The following MICU1 variants were observed in gnomAD, a reference collection of about 807,000 sequenced individuals.
MICU1 encodes the protein calcium uptake protein 1, mitochondrial.
A neutral mutation model predicts 56.8 loss-of-function variants in MICU1; 45 were observed. The ratio of observed to expected loss-of-function variants is 0.79; its 90% CI spans 0.62 to 1.02. MICU1 has a LOEUF of 1.02. Among genes scored for constraint, MICU1 ranks in the 50% least tolerant of loss-of-function variants. The probability of loss-of-function intolerance (pLI) is 0.00; values close to 1 mark genes in which losing one functional copy is unlikely to be tolerated. For synonymous variants in MICU1, 186 were observed against 195.1 expected (o/e 0.95, Z 0.39); for missense variants, 504 against 587.1 (o/e 0.86, Z 1.46).
intron 8 of MICU1, among the ~76,000 whole-genome samples, chr10:72,459,870 T>C (rs1314107364): frequency 2.0e-5 from 3 of 152,226 alleles, no homozygotes; most frequent in Admixed American, 2.0e-4. Flanking sequence ...CTTCTCCTCC[T>C]GTGTTCTCTA....
chr10:72,623,350 GAGGGAGAAAGAA>G (rs1217538294), intron 1 of MICU1, among the ~76,000 whole-genome samples: 1 of 141,032 alleles, frequency 7.1e-6, no homozygotes, highest in Non-Finnish European at 1.5e-5. Context: ...AAGGGGAGGG[GAGGGAGAAAGAA>G]AGGGAGAAGA....
At chr10:72,398,395 GC>G (rs917840926) in intron 10 of MICU1, among the ~76,000 whole-genome samples, 55 of 151,772 alleles carry the variant, frequency 3.6e-4, no homozygotes, top group African/African-American at 1.2e-3. Flanking sequence ...AGAAGCAAGA[GC>G]AAACAAATGC....
At chr10:72,571,843 C>T (rs1840617498) in intron 1 of MICU1, among the ~76,000 whole-genome samples, 1 of 151,878 alleles carries the variant, frequency 6.6e-6, no homozygotes, top group Non-Finnish European at 1.5e-5. Flanking sequence ...AGCTTGAGCC[C>T]AGGAGTTTAA....
At chr10:72,465,309 GT>G (rs58604429) in intron 8 of MICU1, among the ~76,000 whole-genome samples, 5,371 of 121,898 alleles carry the variant, frequency 0.044, 220 homozygotes, top group African/African-American at 0.15. Context: ...ATAGTTTTTT[GT>G]TTTTTTTTTT....
chr10:72,391,670 A>G (rs1863076821), intron 10 of MICU1, among the ~76,000 whole-genome samples: 1 of 152,068 alleles, frequency 6.6e-6, no homozygotes, highest in African/African-American at 2.4e-5. Context: ...TTTTTTCAAT[A>G]AATTACGTTG....
chr10:72,417,385 C>T (rs1046154891), intron 9 of MICU1, among the ~76,000 whole-genome samples: 1 of 146,508 alleles, frequency 6.8e-6, no homozygotes. Flanking sequence ...ACCCAGGAGG[C>T]GGAGCTTGCA....
chr10:72,535,057 T>A (rs1238531190), intron 4 of MICU1, among the ~76,000 whole-genome samples: 1 of 144,410 alleles, frequency 6.9e-6, no homozygotes, highest in Non-Finnish European at 1.5e-5. Context: ...TGAAACAGAG[T>A]CTTGCTCTGT....
chr10:72,548,075 G>A (rs898973855), intron 4 of MICU1, among the ~76,000 whole-genome samples: 1 of 152,216 alleles, frequency 6.6e-6, no homozygotes, highest in Non-Finnish European at 1.5e-5. Flanking sequence ...ACATGGTTGA[G>A]TATGTTCCTA....
Position 72,375,860 on chromosome 10 carries a change from T to A in MICU1, c.1193A>T (p.Gln398Leu), listed in dbSNP as rs1349525464. The A allele has an allele frequency of 6.2e-7, 1 of 1,613,160 alleles. No homozygotes were observed. Among genetic ancestry groups the A allele is most frequent in the Non-Finnish European group, 8.5e-7 (1 of 1,179,618 alleles). The part of the protein sequence containing the change: ...GASLDKVTMQ[Q>L]VARTVAKVEL... Reference sequence around the variant, plus strand: ...CACTTTAGCCACTGTCCTGGCCACCTGCTGCATGGTCACTGAAAAAAGAAA... The same window carrying A: ...CACTTTAGCCACTGTCCTGGCCACCAGCTGCATGGTCACTGAAAAAAGAAA... The change falls in exon 11 of 12, where the codon CAG (glutamine) becomes CTG (leucine). Residue 398 changes from glutamine (Q) to leucine (L), a missense_variant. Gln to Leu is a moderately radical substitution (Grantham distance 113). Transcript: ENST00000361114.
At chr10:72,600,679 C>T (rs1438693565) in intron 1 of MICU1, among the ~76,000 whole-genome samples, 1 of 149,220 alleles carries the variant, frequency 6.7e-6, no homozygotes, top group Non-Finnish European at 1.5e-5. Flanking sequence ...AAAAGAAATT[C>T]ATGCTAGTTT....
intron 10 of MICU1, among the ~76,000 whole-genome samples, chr10:72,405,429 C>A (rs1428707693): frequency 6.6e-6 from 1 of 151,856 alleles, no homozygotes; most frequent in South Asian, 2.1e-4. Flanking sequence ...CCATGTTGGC[C>A]AGCCTGGTCT....
intron 5 of MICU1, among the ~76,000 whole-genome samples, chr10:72,514,419 T>C (rs1056865714): frequency 2.0e-5 from 3 of 152,148 alleles, no homozygotes; most frequent in East Asian, 3.8e-4. Flanking sequence ...ACTGGACATT[T>C]TGTATATTAT....
chr10:72,563,343 G>A (rs1346291844), intron 2 of MICU1, among the ~76,000 whole-genome samples: 2 of 152,158 alleles, frequency 1.3e-5, no homozygotes, highest in African/African-American at 4.8e-5. Flanking sequence ...TCCATTGGCA[G>A]ATGAATAAAC....
intron 5 of MICU1, among the ~76,000 whole-genome samples, chr10:72,522,061 A>T (rs1229966642): frequency 2.0e-5 from 3 of 152,138 alleles, no homozygotes; most frequent in Non-Finnish European, 4.4e-5. Flanking sequence ...ATATGCAAAT[A>T]AAGGACTATC....
At chr10:72,382,634 T>G (rs1360012035) in intron 10 of MICU1, among the ~76,000 whole-genome samples, 3 of 151,922 alleles carry the variant, frequency 2.0e-5, no homozygotes, top group Non-Finnish European at 2.9e-5. Flanking sequence ...ACAGGCCAAG[T>G]GTGGTGGCTC....
At chr10:72,618,493 CA>C (rs11360236) in intron 1 of MICU1, among the ~76,000 whole-genome samples, 6,192 of 152,106 alleles carry the variant, frequency 0.041, 426 homozygotes, top group African/African-American at 0.14. Context: ...AATTGAAAAT[CA>C]AATTCGAAGA....
intron 2 of MICU1, 112 bp downstream of exon 2, chr10:72,566,521 G>T: frequency 1.8e-6 from 2 of 1,107,310 alleles, no homozygotes; most frequent in South Asian, 1.7e-5. Flanking sequence ...CAAATGATCC[G>T]AGCAAGAAAT....
chr10:72,500,279 TATATATATATATATATATA>T (rs1564904547), intron 6 of MICU1, among the ~76,000 whole-genome samples: 8 of 8,636 alleles, frequency 9.3e-4, no homozygotes, highest in Admixed American at 1.3e-3. Flanking sequence ...TATATATATA[TATATATATATATATATATA>T]TATATTTTTT....
intron 1 of MICU1, among the ~76,000 whole-genome samples, chr10:72,619,173 G>A (rs951266906): frequency 6.6e-5 from 10 of 152,074 alleles, no homozygotes; most frequent in South Asian, 2.1e-4. Context: ...AGCCAGGCCC[G>A]GTGGCTCACA....
Sources: allele counts gnomAD v4.1 joint callset (sites outside exome capture counted in the v4.1 genomes callset), GRCh38; gene constraint gnomAD v4.1.1; transcripts MANE v1.5; gene names NCBI Gene and HGNC (gene_info 2026-07-23, HGNC 2026-07-21).